Variants in COTL1 observed in about 807,000 individuals in gnomAD.
The protein encoded by COTL1 is coactosin like F-actin binding protein 1.
In COTL1, 15 loss-of-function variants were observed where a neutral mutation model predicts 16.5. That is an observed-to-expected ratio of 0.91 (90% CI 0.61 to 1.40). The LOEUF (loss-of-function observed/expected upper bound fraction) is 1.40, where lower values mean the gene tolerates loss of function less well. Among genes scored for constraint, COTL1 ranks in the 40% most tolerant of loss-of-function variants. The probability of loss-of-function intolerance (pLI) is 0.00; values close to 1 mark genes in which losing one functional copy is unlikely to be tolerated. For missense variants in COTL1, 220 were observed against 201.5 expected (o/e 1.09, Z -0.56); for synonymous variants, 112 against 85.3 (o/e 1.31, Z -1.73).
chr16:84,585,698 G>C (rs758573158), intron 3 of COTL1, among the ~76,000 whole-genome samples: 11 of 152,228 alleles, frequency 7.2e-5, no homozygotes, highest in South Asian at 2.1e-4. Flanking sequence ...TCTCTGCATG[G>C]TTTTAGCGGC....
intron 2 of COTL1, among the ~76,000 whole-genome samples, chr16:84,603,646 A>T (rs1905148149): frequency 6.6e-6 from 1 of 152,208 alleles, no homozygotes; most frequent in East Asian, 1.9e-4. Context: ...ATGGCAACAG[A>T]CTATGAAGCG....
intron 2 of COTL1, among the ~76,000 whole-genome samples, chr16:84,611,518 C>T (rs1292800997): frequency 6.6e-6 from 1 of 152,082 alleles, no homozygotes; most frequent in African/African-American, 2.4e-5. Context: ...AAAATGAGAC[C>T]AGCGGTCTGT....
intron 2 of COTL1, among the ~76,000 whole-genome samples, chr16:84,610,292 GA>G (rs1395355687): frequency 6.6e-6 from 1 of 152,122 alleles, no homozygotes; most frequent in Non-Finnish European, 1.5e-5. Context: ...ACTGGCCTGA[GA>G]AAAAATATTA....
chr16:84,602,818 G>T (rs534586357), intron 2 of COTL1, among the ~76,000 whole-genome samples: 277 of 151,476 alleles, frequency 1.8e-3, no homozygotes, highest in African/African-American at 6.1e-3. Flanking sequence ...TCATGCCACT[G>T]CACTCCAGCC....
At chr16:84,597,119 C>G (rs145688030) in intron 2 of COTL1, among the ~76,000 whole-genome samples, 189 of 152,322 alleles carry the variant, frequency 1.2e-3, no homozygotes, top group African/African-American at 4.3e-3. Flanking sequence ...GGACCACTTT[C>G]TGCATCCAGC....
rs968585431 is a variant in COTL1, at chr16:84,590,084, G to C, written c.318+21C>G. The C allele has an allele frequency of 6.3e-7, 1 of 1,597,508 alleles. No homozygotes were observed. Among genetic ancestry groups the C allele is most frequent in the African/African-American group, 1.3e-5 (1 of 74,634 alleles). On this transcript the variant is annotated intron_variant, in intron 3 of 3. Transcript: ENST00000262428. This position sits in a 1 kb window ranked among gnomAD's most constrained non-coding sequence, Gnocchi z 5.5. ...GACCCTTGGCGAGCTTTGACCTCCAGACTCTGGAGGAACTCAGTACCTGTA... is the reference window on the plus strand; with the variant it reads ...GACCCTTGGCGAGCTTTGACCTCCACACTCTGGAGGAACTCAGTACCTGTA...
At chr16:84,592,452 C>T (rs189098807) in intron 2 of COTL1, among the ~76,000 whole-genome samples, 2 of 152,148 alleles carry the variant, frequency 1.3e-5, no homozygotes, top group East Asian at 3.9e-4. Context: ...TATCGTAGAG[C>T]GATATGTTTG....
In COTL1 at chr16:84,567,124, G is replaced by A. The variant is rs915965903; in HGVS notation, c.319-169C>T. 5 of 585,716 alleles carry A rather than the reference G, an allele frequency of 8.5e-6. No homozygotes were observed. The Admixed American group carries it at 1.0e-4, about 12-fold the overall frequency. The allele number at this position is 585,716 out of a possible 1,614,324, so 36.3% of individuals were successfully genotyped here. On this transcript the variant is annotated intron_variant, in intron 3 of 3. Coordinates refer to ENST00000262428, the MANE Select transcript of COTL1 (RefSeq NM_021149.5). ...ATGGAAATTCAGCAGCAGAGTCAAT[G>A]GAAATTGAACAGCAGAGTCATCTGG...
At position 84,617,997 on chromosome 16, in the gene COTL1, C is replaced by G; in HGVS notation, c.-83G>C. 1.0e-6 allele frequency: 1 copy of G among 982,688 alleles called. No individual in the cohort carries two copies. The highest frequency in any genetic ancestry group is 3.9e-5 in the East Asian group (1 of 25,454). The allele number at this position is 982,688 out of a possible 1,614,324, so 60.9% of individuals were successfully genotyped here. A position where few individuals can be genotyped will look rare whatever the true frequency, so the allele number is the denominator to read the frequency against. The stretch of plus-strand genomic sequence containing the variant: ...GGCGGGGATGGGAGCGCGGCGGGTA[C>G]GCGCCGAGGGCGCACGGGCTGGCGG... On this transcript the variant is annotated 5_prime_UTR_variant, in exon 1 of 4. Coordinates refer to ENST00000262428, the MANE Select transcript of COTL1 (RefSeq NM_021149.5).
chr16:84,612,789 C>A lies in COTL1; in HGVS notation c.160+4712G>T, dbSNP rs1477206345. ...AAAGAAAAGCAGTGGTAGGGGTAGC[C>A]AACACACACCGTGGCCTGTGCTCTC... On this transcript the variant is annotated intron_variant, in intron 2 of 3. Transcript: ENST00000262428. Among the ~76,000 whole-genome samples, 11 of 152,202 alleles carry A rather than the reference C, an allele frequency of 7.2e-5. No individual in the cohort carries two copies. In the East Asian group the frequency reaches 1.9e-3, roughly 27 times the overall value.
At chr16:84,596,146 C>G (rs1681634656) in intron 2 of COTL1, 1 of 152,178 alleles carries the variant, frequency 6.6e-6, no homozygotes, top group South Asian at 2.1e-4. Flanking sequence ...CTGGGCAACC[C>G]CAGTGGGGGA....
In COTL1 at chr16:84,590,273, A is replaced by G; in HGVS notation, c.161-11T>C. On this transcript the variant is annotated splice_polypyrimidine_tract_variant and intron_variant, in intron 2 of 3. Coordinates refer to ENST00000262428, the MANE Select transcript of COTL1 (RefSeq NM_021149.5). This position sits in a 1 kb window ranked among gnomAD's most constrained non-coding sequence, Gnocchi z 5.5. ...ACAACCGGACGTCATCTGTGGCCAAAAGCGAAAAGAGAACATGGTGCTGCG... is the reference window on the plus strand; with the variant it reads ...ACAACCGGACGTCATCTGTGGCCAAGAGCGAAAAGAGAACATGGTGCTGCG... 1 of 1,613,006 alleles carries G rather than the reference A, an allele frequency of 6.2e-7. No homozygotes were observed. The highest frequency in any genetic ancestry group is 8.5e-7 in the Non-Finnish European group (1 of 1,179,148).
At chr16:84,598,684 G>T (rs1206911764) in intron 2 of COTL1, among the ~76,000 whole-genome samples, 1 of 141,158 alleles carries the variant, frequency 7.1e-6, no homozygotes, top group Non-Finnish European at 1.5e-5. Flanking sequence ...CGACCTCTCT[G>T]GAAGAGAGAG....
At chr16:84,571,019 G>A (rs1185595864) in intron 3 of COTL1, among the ~76,000 whole-genome samples, 2 of 150,312 alleles carry the variant, frequency 1.3e-5, no homozygotes, top group Admixed American at 6.6e-5. Context: ...AAACATTTCT[G>A]AAGATACAGT....
chr16:84,612,465 T>C (rs1905352656), intron 2 of COTL1, among the ~76,000 whole-genome samples: 1 of 152,150 alleles, frequency 6.6e-6, no homozygotes, highest in Admixed American at 6.5e-5. Context: ...GCATAATGCC[T>C]CTACGAGTGC....
chr16:84,616,152 A>G (rs2150699317), intron 2 of COTL1: 1 of 152,264 alleles, frequency 6.6e-6, no homozygotes, highest in East Asian at 1.9e-4. Context: ...ACCCCCAGAG[A>G]TTAAGGAACT....
intron 3 of COTL1, among the ~76,000 whole-genome samples, chr16:84,579,737 G>C (rs1290961526): frequency 6.6e-6 from 1 of 152,176 alleles, no homozygotes; most frequent in Non-Finnish European, 1.5e-5. Context: ...TTTCATAAGG[G>C]AATCTCACGA....
At chr16:84,599,896 A>G (rs186820351) in intron 2 of COTL1, among the ~76,000 whole-genome samples, 1 of 152,360 alleles carries the variant, frequency 6.6e-6, no homozygotes, top group East Asian at 1.9e-4. Flanking sequence ...ACAGCTGGGC[A>G]GTCGCCATGG....
intron 2 of COTL1, among the ~76,000 whole-genome samples, chr16:84,606,275 T>C (rs1345591006): frequency 1.3e-5 from 2 of 152,158 alleles, no homozygotes; most frequent in Non-Finnish European, 2.9e-5. Context: ...ACATGGCCAG[T>C]GGTAGCGGCC....
Sources: gnomAD v4.1 joint callset for allele counts (sites outside exome capture counted in the v4.1 genomes callset) on GRCh38, gnomAD v4.1.1 for gene constraint, Gnocchi (gnomAD v3.1) non-coding constraint, MANE v1.5 for transcripts, NCBI Gene and HGNC (gene_info 2026-07-23, HGNC 2026-07-21) for gene names.